ADAMTS2: variants seen among roughly 807,000 people sequenced by gnomAD.
The protein encoded by ADAMTS2 is ADAM metallopeptidase with thrombospondin type 1 motif 2.
Under a neutral mutation model 123.0 loss-of-function variants are expected in ADAMTS2, and 50 were observed. The observed-to-expected ratio is 0.41, with a 90% CI of 0.32 to 0.51. The LOEUF (loss-of-function observed/expected upper bound fraction) is 0.51, where lower values mean the gene tolerates loss of function less well. ADAMTS2 is among the 20% of genes least tolerant of loss of function. The pLI, the probability that ADAMTS2 is intolerant of heterozygous loss-of-function variation, is 0.35. For missense variants in ADAMTS2, 1,494 were observed against 1,705.2 expected (o/e 0.88, Z 2.18); for synonymous variants, 678 against 695.4 (o/e 0.98, Z 0.39).
At position 179,160,185 on chromosome 5, in the gene ADAMTS2, G is replaced by A. The variant is rs570257487; in HGVS notation, c.976-1306C>T. On this transcript the variant is annotated intron_variant, in intron 5 of 21. Transcript: ENST00000251582. The stretch of plus-strand genomic sequence containing the variant: ...ATAAATAACAAAAAGTTGGCCGTGC[G>A]CGGTGGCTCACACCTGTAATCCCAG... Among the ~76,000 whole-genome samples, 165 of 152,294 alleles carry A rather than the reference G, an allele frequency of 1.1e-3. 1 individual carries two copies. The highest frequency in any genetic ancestry group is 0.01 in the Middle Eastern group (3 of 294).
rs952947403 is a variant in ADAMTS2 at position 179,115,447 on chromosome 5, C to T, written c.3179-1123G>A. 6.6e-6 allele frequency among the ~76,000 whole-genome samples: 1 copy of T among 152,118 alleles called. No individual in the cohort carries two copies. Among genetic ancestry groups the T allele is most frequent in the Non-Finnish European group, 1.5e-5 (1 of 68,034 alleles). On this transcript the variant is annotated intron_variant, in intron 21 of 21. Coordinates refer to ENST00000251582, the MANE Select transcript of ADAMTS2 (RefSeq NM_014244.5). The surrounding 1 kb of genome is among the most constrained non-coding windows in gnomAD (Gnocchi z 4.4). ...CCAGTATAAATTCCGAATCACTGAC[C>T]TCCGTGAGCCCAACACCGCCTGTTG...
At chr5:179,168,930 ATT>A (rs1224486057) in intron 5 of ADAMTS2, among the ~76,000 whole-genome samples, 1 of 152,138 alleles carries the variant, frequency 6.6e-6, no homozygotes, top group Non-Finnish European at 1.5e-5. Flanking sequence ...TCGTTCCAGC[ATT>A]TTGTTTCCAG....
At chr5:179,144,915 CAAT>C (rs1266790233) in intron 10 of ADAMTS2, among the ~76,000 whole-genome samples, 4 of 152,162 alleles carry the variant, frequency 2.6e-5, no homozygotes, top group Non-Finnish European at 5.9e-5. Flanking sequence ...TTTTGCACCT[CAAT>C]GATGCCATCA....
intron 10 of ADAMTS2, among the ~76,000 whole-genome samples, chr5:179,145,283 G>T (rs942736388): frequency 1.3e-5 from 2 of 151,906 alleles, no homozygotes; most frequent in African/African-American, 4.8e-5. Flanking sequence ...TTGCCAGTTG[G>T]AATGTAAAAC....
Position 179,332,017 on chromosome 5 carries a change from G to A in ADAMTS2, c.534+11750C>T, listed in dbSNP as rs1363308533. The stretch of plus-strand genomic sequence containing the variant: ...TTTCCACCTGTGCCTCTGACCAGGC[G>A]GCTATAAATTGGGCGGGTCCCACAA... On this transcript the variant is annotated intron_variant, in intron 2 of 21. Transcript: ENST00000251582. This position sits in a 1 kb window ranked among gnomAD's most constrained non-coding sequence, Gnocchi z 4.2. Among the ~76,000 whole-genome samples the A allele has an allele frequency of 3.3e-5, 5 of 152,196 alleles. No individual in the cohort carries two copies. The East Asian group carries it at 5.8e-4, about 18-fold the overall frequency.
chr5:179,145,581 TG>T (rs1434179032), intron 10 of ADAMTS2, among the ~76,000 whole-genome samples: 2 of 152,200 alleles, frequency 1.3e-5, no homozygotes, highest in African/African-American at 4.8e-5. Flanking sequence ...GTGAACATTA[TG>T]CCAAGTGAAA....
At chr5:179,154,322 G>A in intron 7 of ADAMTS2, 130 bp from the exon 8 acceptor site, 2 of 1,330,356 alleles carry the variant, frequency 1.5e-6, no homozygotes, top group Non-Finnish European at 2.1e-6. Context: ...CTCTGAGCCG[G>A]GTGGCACCGA....
rs866763635 is a variant in ADAMTS2 at position 179,245,788 on chromosome 5, A to C, written c.688+27123T>G. ...CTCAAAAAAAAAAAAAAAAAAAAAA[A>C]AAAAAAACAAAAAAAACAAAGATGG... On this transcript the variant is annotated intron_variant, in intron 3 of 21. Coordinates refer to ENST00000251582, the MANE Select transcript of ADAMTS2 (RefSeq NM_014244.5). Among the ~76,000 whole-genome samples, 31 of 95,778 alleles carry C rather than the reference A, an allele frequency of 3.2e-4. 1 individual carries two copies. Among genetic ancestry groups the C allele is most frequent in the African/African-American group, 8.8e-4 (21 of 23,854 alleles). 62.8% of individuals were successfully genotyped at this position (95,778 alleles called of 152,430 possible). A position where few individuals can be genotyped will look rare whatever the true frequency, so the allele number is the denominator to read the frequency against.
intron 2 of ADAMTS2, among the ~76,000 whole-genome samples, chr5:179,302,112 A>C (rs1756537410): frequency 6.6e-6 from 1 of 151,894 alleles, no homozygotes; most frequent in South Asian, 2.1e-4. Flanking sequence ...GTAGGAAGCC[A>C]CACAGGAGCA....
chr5:179,155,584 C>T lies in ADAMTS2; in HGVS notation c.1133-665G>A, dbSNP rs114888274. Among the ~76,000 whole-genome samples, 2,300 of 152,302 alleles carry T rather than the reference C, an allele frequency of 0.015. 69 individuals are homozygous for T. Among genetic ancestry groups the T allele is most frequent in the African/African-American group, 0.051 (2,131 of 41,556 alleles). ...CGTAGAAGATGAGGCCAGTGGCCTA[C>T]GACAGCCCAGGGCCAGGGGGAGGGT... On this transcript the variant is annotated intron_variant, in intron 6 of 21. Transcript: ENST00000251582. This position sits in a 1 kb window ranked among gnomAD's most constrained non-coding sequence, Gnocchi z 5.1.
rs2113478391 is a variant in ADAMTS2 at position 179,256,345 on chromosome 5, G to A, written c.688+16566C>T. On this transcript the variant is annotated intron_variant, in intron 3 of 21. Transcript: ENST00000251582. The surrounding 1 kb of genome is among the most constrained non-coding windows in gnomAD (Gnocchi z 4.1). Reference sequence around the variant, plus strand: ...TGTCAGGCCTGCCATGGAGCTTTGGGCCTGAGGCCTCAGCTGAGGCCAAGG... The same window carrying A: ...TGTCAGGCCTGCCATGGAGCTTTGGACCTGAGGCCTCAGCTGAGGCCAAGG... Among the ~76,000 whole-genome samples the A allele has an allele frequency of 6.6e-6, 1 of 152,268 alleles. No individual in the cohort carries two copies. The highest frequency in any genetic ancestry group is 2.4e-5 in the African/African-American group (1 of 41,540).
chr5:179,174,590 CAAT>C (rs1160877779), intron 5 of ADAMTS2, among the ~76,000 whole-genome samples: 1 of 152,166 alleles, frequency 6.6e-6, no homozygotes, highest in Non-Finnish European at 1.5e-5. Context: ...ATTTATAACA[CAAT>C]AAGCATTCTG....
chr5:179,233,587 T>A (rs904233111), intron 3 of ADAMTS2, among the ~76,000 whole-genome samples: 5 of 152,110 alleles, frequency 3.3e-5, no homozygotes, highest in Non-Finnish European at 7.4e-5. Flanking sequence ...CTCGGGAGGC[T>A]GGAGGCAGGA....
At chr5:179,194,975 G>A (rs986117181) in intron 4 of ADAMTS2, among the ~76,000 whole-genome samples, 4 of 152,172 alleles carry the variant, frequency 2.6e-5, no homozygotes, top group African/African-American at 4.8e-5. Context: ...TGCGCACTGC[G>A]ATTCACGATG....
chr5:179,204,738 C>G (rs1764637982), intron 4 of ADAMTS2, among the ~76,000 whole-genome samples: 1 of 152,236 alleles, frequency 6.6e-6, no homozygotes, highest in Non-Finnish European at 1.5e-5. Context: ...CTCCCTCGCC[C>G]ACGCTGCGCT....
intron 4 of ADAMTS2, among the ~76,000 whole-genome samples, chr5:179,192,962 C>G (rs1764340983): frequency 6.6e-6 from 1 of 152,230 alleles, no homozygotes; most frequent in Non-Finnish European, 1.5e-5. Flanking sequence ...GCCGCACGCG[C>G]CTTCTCCCAC....
intron 1 of ADAMTS2, 124 bp from the exon 2 acceptor site, chr5:179,344,285 C>T: frequency 7.6e-7 from 1 of 1,323,256 alleles, no homozygotes; most frequent in Non-Finnish European, 1.0e-6. Context: ...TTCCGCCAGG[C>T]GACCCCAGAA....
chr5:179,154,229 C>A, intron 7 of ADAMTS2, 37 bp from the exon 8 acceptor site: 1 of 1,538,040 alleles, frequency 6.5e-7, no homozygotes, highest in Non-Finnish European at 8.7e-7. Context: ...ATCCCACTGG[C>A]ACACGGGTCT....
At position 179,155,313 on chromosome 5, in the gene ADAMTS2, T is replaced by G. The variant is rs1337002019; in HGVS notation, c.1133-394A>C. Among the ~76,000 whole-genome samples, 1 of 152,120 alleles carries G rather than the reference T, an allele frequency of 6.6e-6. No individual in the cohort carries two copies. Among genetic ancestry groups the G allele is most frequent in the African/African-American group, 2.4e-5 (1 of 41,426 alleles). Reference sequence around the variant, plus strand: ...GAGTGGCCCCTGAGCAGCACCTGCTTCCACACCTCTCTCTGCTAGAGGCAT... The same window carrying G: ...GAGTGGCCCCTGAGCAGCACCTGCTGCCACACCTCTCTCTGCTAGAGGCAT... On this transcript the variant is annotated intron_variant, in intron 6 of 21. Transcript: ENST00000251582. This position sits in a 1 kb window ranked among gnomAD's most constrained non-coding sequence, Gnocchi z 5.1.
Sources: gnomAD v4.1 joint callset for allele counts (sites outside exome capture counted in the v4.1 genomes callset) on GRCh38, gnomAD v4.1.1 for gene constraint, Gnocchi (gnomAD v3.1) non-coding constraint, MANE v1.5 for transcripts, NCBI Gene and HGNC (gene_info 2026-07-23, HGNC 2026-07-21) for gene names.